Variants in DIAPH3 observed in about 807,000 individuals in gnomAD.
DIAPH3 encodes protein diaphanous homolog 3.
Under a neutral mutation model 144.3 loss-of-function variants are expected in DIAPH3, and 117 were observed. The observed-to-expected ratio is 0.81, with a 90% CI of 0.70 to 0.95. The LOEUF (loss-of-function observed/expected upper bound fraction) is 0.95, where lower values mean the gene tolerates loss of function less well. DIAPH3 is among the 40% of genes least tolerant of loss of function. The probability of loss-of-function intolerance (pLI) is 0.00; values close to 1 mark genes in which losing one functional copy is unlikely to be tolerated. For synonymous variants in DIAPH3, 519 were observed against 488.9 expected (o/e 1.06, Z -0.81); for missense variants, 1,421 against 1,412.7 (o/e 1.01, Z -0.09).
intron 20 of DIAPH3, among the ~76,000 whole-genome samples, chr13:59,905,109 G>A (rs566665565): frequency 1.4e-4 from 21 of 152,032 alleles, no homozygotes; most frequent in Middle Eastern, 3.4e-3. Context: ...TTGGGAGGCC[G>A]AGACGGGCAG....
chr13:60,044,102 G>A (rs1310396634), intron 4 of DIAPH3: 2 of 152,286 alleles, frequency 1.3e-5, no homozygotes, highest in South Asian at 2.1e-4. Flanking sequence ...GAAGCAGAGA[G>A]ATCTGTTGAG....
intron 14 of DIAPH3, among the ~76,000 whole-genome samples, chr13:59,980,562 T>C (rs1252111603): frequency 6.6e-6 from 1 of 151,582 alleles, no homozygotes. Context: ...GCATGTGAGA[T>C]GATGATAAAT....
At chr13:59,994,907 C>T (rs1022167900) in intron 9 of DIAPH3, among the ~76,000 whole-genome samples, 3 of 151,714 alleles carry the variant, frequency 2.0e-5, no homozygotes, top group Admixed American at 1.3e-4. Context: ...TTTTATGCAA[C>T]AGGGGCACAA....
At chr13:59,826,533 G>T (rs933320047) in intron 24 of DIAPH3, among the ~76,000 whole-genome samples, 1 of 148,990 alleles carries the variant, frequency 6.7e-6, no homozygotes, top group Admixed American at 6.7e-5. Flanking sequence ...AATAAAAGAG[G>T]ATACAAACAA....
intron 27 of DIAPH3, among the ~76,000 whole-genome samples, chr13:59,680,316 C>T (rs2032871082): frequency 6.6e-6 from 1 of 152,098 alleles, no homozygotes; most frequent in Admixed American, 6.5e-5. Context: ...GTGTTGAGAG[C>T]TTGTTATGAA....
intron 27 of DIAPH3, among the ~76,000 whole-genome samples, chr13:59,750,056 C>G (rs769436112): frequency 6.6e-6 from 1 of 152,074 alleles, no homozygotes; most frequent in African/African-American, 2.4e-5. Flanking sequence ...GTGGTAATGA[C>G]TGGGTCATTG....
chr13:60,016,368 G>A (rs2053648635), intron 5 of DIAPH3, among the ~76,000 whole-genome samples: 1 of 152,182 alleles, frequency 6.6e-6, no homozygotes, highest in Non-Finnish European at 1.5e-5. Context: ...GCTTGTAAGA[G>A]CAGACTGTGC....
At chr13:60,117,520 G>A (rs904273862) in intron 2 of DIAPH3, among the ~76,000 whole-genome samples, 15 of 151,996 alleles carry the variant, frequency 9.9e-5, no homozygotes, top group Admixed American at 2.0e-4. Flanking sequence ...AAAGCATTCC[G>A]TGCCCTATTG....
chr13:59,782,156 T>TAAAAA (rs111792492), intron 25 of DIAPH3, among the ~76,000 whole-genome samples: 1 of 151,094 alleles, frequency 6.6e-6, no homozygotes. Flanking sequence ...ACTTAAAAAT[T>TAAAAA]AAAAGAAGAA....
In DIAPH3 at chr13:59,843,597, C is replaced by G. The variant is rs1012519238; in HGVS notation, c.2738-4149G>C. On this transcript the variant is annotated intron_variant, in intron 22 of 27. Coordinates refer to ENST00000400324, the MANE Select transcript of DIAPH3 (RefSeq NM_001042517.2). ...AGACATTTCATAAAGAGTAAGCAAG[C>G]TATCTTCAAAAAAATAAAATGGTTC... Among the ~76,000 whole-genome samples the G allele has an allele frequency of 6.6e-5, 10 of 152,162 alleles. 1 individual carries two copies. The highest frequency in any genetic ancestry group is 2.4e-4 in the African/African-American group (10 of 41,436).
At chr13:59,974,563 C>G in intron 14 of DIAPH3, 107 bp from the exon 15 acceptor site, 3 of 989,822 alleles carry the variant, frequency 3.0e-6, no homozygotes, top group Non-Finnish European at 4.6e-6. Flanking sequence ...ACACAAATTC[C>G]TGAATTGGTT....
intron 17 of DIAPH3, among the ~76,000 whole-genome samples, chr13:59,943,042 C>T (rs1028213843): frequency 6.6e-5 from 10 of 152,076 alleles, no homozygotes; most frequent in Admixed American, 6.6e-4. Flanking sequence ...TTTGTTGCAT[C>T]TACTTTTAAC....
intron 18 of DIAPH3, among the ~76,000 whole-genome samples, chr13:59,916,776 A>G (rs2047243323): frequency 6.6e-6 from 1 of 152,168 alleles, no homozygotes; most frequent in African/African-American, 2.4e-5. Flanking sequence ...AACATTGTAA[A>G]CAGTATGCTA....
chr13:60,021,666 C>CA (rs55896515), intron 5 of DIAPH3, among the ~76,000 whole-genome samples: 9,305 of 81,194 alleles, frequency 0.11, 465 homozygotes, highest in African/African-American at 0.17. Context: ...GGCTCTGTCT[C>CA]AAAAAAAAAA....
chr13:59,729,340 G>T (rs1317205224), intron 27 of DIAPH3, among the ~76,000 whole-genome samples: 1 of 152,054 alleles, frequency 6.6e-6, no homozygotes, highest in Non-Finnish European at 1.5e-5. Flanking sequence ...GCTGTGAGCA[G>T]GCACAGAGAT....
chr13:59,824,628 T>A (rs1354659903), intron 24 of DIAPH3, among the ~76,000 whole-genome samples: 1 of 152,172 alleles, frequency 6.6e-6, no homozygotes, highest in Non-Finnish European at 1.5e-5. Flanking sequence ...TATAGGAAAT[T>A]AAGTTACGGG....
intron 17 of DIAPH3, among the ~76,000 whole-genome samples, chr13:59,949,980 AC>A (rs2049016132): frequency 6.6e-6 from 1 of 152,080 alleles, no homozygotes; most frequent in African/African-American, 2.4e-5. Context: ...TAAATTCATC[AC>A]CAATGCCCTT....
intron 27 of DIAPH3, among the ~76,000 whole-genome samples, chr13:59,764,047 T>C (rs1301640293): frequency 6.6e-6 from 1 of 151,888 alleles, no homozygotes; most frequent in African/African-American, 2.4e-5. Flanking sequence ...TTTGCTTCTG[T>C]ATGCTAAGAA....
At chr13:59,862,304 G>C (rs1449308817) in intron 21 of DIAPH3, among the ~76,000 whole-genome samples, 2 of 152,208 alleles carry the variant, frequency 1.3e-5, no homozygotes, top group East Asian at 3.8e-4. Context: ...TGCAATGGAA[G>C]TAGGATTTTG....
Sources: gnomAD v4.1 joint callset for allele counts (sites outside exome capture counted in the v4.1 genomes callset) on GRCh38, gnomAD v4.1.1 for gene constraint, MANE v1.5 for transcripts, NCBI Gene and HGNC (gene_info 2026-07-23, HGNC 2026-07-21) for gene names.